DLG2: variants seen among roughly 807,000 people sequenced by gnomAD.
The protein encoded by DLG2 is disks large homolog 2.
DLG2 carries 45 observed loss-of-function variants against 132.5 expected under a neutral mutation model. That is an observed-to-expected ratio of 0.34 (90% CI 0.27 to 0.44). The LOEUF (loss-of-function observed/expected upper bound fraction) is 0.44, where lower values mean the gene tolerates loss of function less well. Among genes scored for constraint, DLG2 ranks in the 20% least tolerant of loss-of-function variants. DLG2 has a pLI of 1.00. For synonymous variants in DLG2, 424 were observed against 419.6 expected (o/e 1.01, Z -0.13); for missense variants, 1,045 against 1,196.9 (o/e 0.87, Z 1.87).
At chr11:83,987,520 C>T (rs1246420266) in intron 11 of DLG2, among the ~76,000 whole-genome samples, 1 of 152,116 alleles carries the variant, frequency 6.6e-6, no homozygotes, top group Non-Finnish European at 1.5e-5. Flanking sequence ...TGGAACAGAA[C>T]AGAGCCCTCA....
chr11:84,455,032 G>A (rs1244429515), intron 7 of DLG2, among the ~76,000 whole-genome samples: 1 of 151,316 alleles, frequency 6.6e-6, no homozygotes, highest in African/African-American at 2.4e-5. Context: ...AAAACGTTTT[G>A]CTTTCTTAAA....
At chr11:85,173,445 G>C (rs1288990211) in intron 4 of DLG2, among the ~76,000 whole-genome samples, 1 of 152,058 alleles carries the variant, frequency 6.6e-6, no homozygotes, top group Non-Finnish European at 1.5e-5. Flanking sequence ...TCACCATCAG[G>C]CCTGCCTTGC....
At chr11:83,967,821 T>G (rs1251083099) in intron 12 of DLG2, among the ~76,000 whole-genome samples, 1 of 152,192 alleles carries the variant, frequency 6.6e-6, no homozygotes, top group Non-Finnish European at 1.5e-5. Context: ...GCTTTTCCCC[T>G]ATGTTCTTTT....
chr11:85,292,780 T>TG (rs1565279680), intron 3 of DLG2, among the ~76,000 whole-genome samples: 1 of 29,930 alleles, frequency 3.3e-5, no homozygotes, highest in Admixed American at 4.8e-4. Flanking sequence ...AAGGAGGGAG[T>TG]GGGGGTGGGG....
intron 4 of DLG2, among the ~76,000 whole-genome samples, chr11:85,252,754 T>C (rs1023221981): frequency 6.6e-6 from 1 of 152,124 alleles, no homozygotes; most frequent in East Asian, 1.9e-4. Context: ...TTGTAGGGAA[T>C]TGAAAGCATG....
intron 6 of DLG2, among the ~76,000 whole-genome samples, chr11:84,565,843 A>G (rs2099451961): frequency 3.3e-5 from 5 of 152,062 alleles, no homozygotes; most frequent in Admixed American, 2.6e-4. Flanking sequence ...ATCTCTAGTG[A>G]TTTGATGATC....
At chr11:84,497,465 C>T (rs995994885) in intron 7 of DLG2, among the ~76,000 whole-genome samples, 1 of 152,050 alleles carries the variant, frequency 6.6e-6, no homozygotes, top group East Asian at 1.9e-4. Context: ...ACTATCCAAT[C>T]AGAAAGACAA....
At chr11:84,642,320 C>T (rs1225162512) in intron 6 of DLG2, among the ~76,000 whole-genome samples, 1 of 151,842 alleles carries the variant, frequency 6.6e-6, no homozygotes, top group Non-Finnish European at 1.5e-5. Flanking sequence ...CTAAAGCCAA[C>T]TCCTGCAGCT....
chr11:84,276,255 T>C (rs1274995662), intron 7 of DLG2, among the ~76,000 whole-genome samples: 3 of 152,208 alleles, frequency 2.0e-5, no homozygotes, highest in Non-Finnish European at 4.4e-5. Context: ...TTGATATACG[T>C]TTGGAGGCCC....
At chr11:85,337,886 A>G (rs1219528830) in intron 3 of DLG2, among the ~76,000 whole-genome samples, 1 of 152,256 alleles carries the variant, frequency 6.6e-6, no homozygotes, top group Non-Finnish European at 1.5e-5. Flanking sequence ...AACAAATTAG[A>G]ACATCTAGAA....
At chr11:85,362,933 A>G (rs2084273605) in intron 3 of DLG2, among the ~76,000 whole-genome samples, 1 of 152,184 alleles carries the variant, frequency 6.6e-6, no homozygotes, top group Non-Finnish European at 1.5e-5. Context: ...CTAACTGCAA[A>G]AGCATCACTA....
intron 7 of DLG2, among the ~76,000 whole-genome samples, chr11:84,516,612 G>A (rs956441615): frequency 1.6e-4 from 25 of 151,528 alleles, no homozygotes; most frequent in African/African-American, 4.6e-4. Context: ...TGCCTTTAGT[G>A]TCTAATTCTA....
At chr11:83,892,775 A>T (rs1366952034) in intron 15 of DLG2, among the ~76,000 whole-genome samples, 1 of 151,950 alleles carries the variant, frequency 6.6e-6, no homozygotes, top group Non-Finnish European at 1.5e-5. Context: ...TCAGACATCC[A>T]TTCTCCATAT....
chr11:83,982,124 G>A (rs2092834662), intron 11 of DLG2, among the ~76,000 whole-genome samples: 1 of 152,084 alleles, frequency 6.6e-6, no homozygotes. Flanking sequence ...ATATACAATT[G>A]TAAACAATAA....
chr11:83,700,998 CAT>C (rs1235351397), intron 18 of DLG2, among the ~76,000 whole-genome samples: 3 of 152,120 alleles, frequency 2.0e-5, no homozygotes, highest in African/African-American at 4.8e-5. Flanking sequence ...GCATTTGTAA[CAT>C]AGAAAAGCAC....
At chr11:83,538,047 C>T (rs1013991489) in intron 20 of DLG2, among the ~76,000 whole-genome samples, 2 of 151,956 alleles carry the variant, frequency 1.3e-5, no homozygotes, top group Non-Finnish European at 2.9e-5. Flanking sequence ...AGAATAGTAG[C>T]GCAGACTTCA....
intron 17 of DLG2, among the ~76,000 whole-genome samples, chr11:83,822,570 C>T (rs1565208236): frequency 1.3e-5 from 2 of 152,080 alleles, no homozygotes; most frequent in Non-Finnish European, 2.9e-5. Flanking sequence ...GCAGATGTTC[C>T]AGTTGGGAAT....
intron 7 of DLG2, among the ~76,000 whole-genome samples, chr11:84,350,073 G>A (rs2154411468): frequency 6.6e-6 from 1 of 151,632 alleles, no homozygotes; most frequent in South Asian, 2.1e-4. Flanking sequence ...AGCTGCTCGG[G>A]AGGCTGAGGC....
chr11:83,873,639 A>AAAAT (rs1206161421), intron 16 of DLG2, among the ~76,000 whole-genome samples: 1 of 152,220 alleles, frequency 6.6e-6, no homozygotes, highest in Non-Finnish European at 1.5e-5. Context: ...CAGCATCGTG[A>AAAAT]AAATGGACTA....
Sources: allele counts gnomAD v4.1 joint callset (sites outside exome capture counted in the v4.1 genomes callset), GRCh38; gene constraint gnomAD v4.1.1; transcripts MANE v1.5; gene names NCBI Gene and HGNC (gene_info 2026-07-23, HGNC 2026-07-21).